SCFD1: variants seen among roughly 807,000 people sequenced by gnomAD.
The protein encoded by SCFD1 is sec1 family domain-containing protein 1.
Under a neutral mutation model 103.2 loss-of-function variants are expected in SCFD1, and 37 were observed. The observed-to-expected ratio is 0.36, with a 90% confidence interval of 0.28 to 0.47. The LOEUF (loss-of-function observed/expected upper bound fraction) is 0.47, where lower values mean the gene tolerates loss of function less well. SCFD1 is among the 20% of genes least tolerant of loss of function. The pLI is 1.00. For synonymous variants in SCFD1, 264 were observed against 245.0 expected (o/e 1.08, Z -0.73); for missense variants, 639 against 761.2 (o/e 0.84, Z 1.89).
chr14:30,694,645 TA>T (rs772952032), intron 14 of SCFD1, 127 bp from the exon 15 acceptor site: 1 of 1,310,398 alleles, frequency 7.6e-7, no homozygotes, highest in Non-Finnish European at 9.9e-7. Flanking sequence ...TTCTGAACTG[TA>T]CTTTTGACCT....
At chr14:30,675,678 G>A (rs1888973021) in intron 14 of SCFD1, among the ~76,000 whole-genome samples, 1 of 152,066 alleles carries the variant, frequency 6.6e-6, no homozygotes, top group Non-Finnish European at 1.5e-5. Context: ...GAATTTCTGT[G>A]GCAGATTGAC....
intron 19 of SCFD1, among the ~76,000 whole-genome samples, chr14:30,714,303 G>A (rs1325376646): frequency 6.6e-6 from 1 of 150,696 alleles, no homozygotes; most frequent in East Asian, 2.0e-4. Context: ...GCAGTGAGCC[G>A]AGATTGCGCC....
intron 15 of SCFD1, 86 bp from the exon 16 acceptor site, chr14:30,700,102 C>T: frequency 1.1e-6 from 1 of 920,002 alleles, no homozygotes; most frequent in Non-Finnish European, 1.7e-6. Flanking sequence ...TTATATATGC[C>T]TTGAAATGTA....
chr14:30,664,291 C>T (rs2139169401), intron 10 of SCFD1, among the ~76,000 whole-genome samples: 1 of 152,242 alleles, frequency 6.6e-6, no homozygotes. Flanking sequence ...CAAACTCCAA[C>T]AGACCTGCAG....
chr14:30,684,799 GTTTC>G (rs1370494449), intron 14 of SCFD1, among the ~76,000 whole-genome samples: 103 of 38,284 alleles, frequency 2.7e-3, no homozygotes, highest in Non-Finnish European at 3.6e-3. Context: ...TGTTGCAATT[GTTTC>G]TTTTTTTTTT....
chr14:30,660,644 G>T (rs1037510426), intron 10 of SCFD1, among the ~76,000 whole-genome samples: 2 of 151,636 alleles, frequency 1.3e-5, no homozygotes, highest in African/African-American at 4.8e-5. Context: ...CACCTACTTA[G>T]GACAAATGCT....
chr14:30,627,014 A>G (rs1465470602), intron 1 of SCFD1, among the ~76,000 whole-genome samples: 1 of 152,210 alleles, frequency 6.6e-6, no homozygotes, highest in Admixed American at 6.5e-5. Context: ...ATTCTGTATT[A>G]CTTAAAGCCT....
intron 10 of SCFD1, among the ~76,000 whole-genome samples, chr14:30,654,947 A>G (rs1465167518): frequency 6.6e-6 from 1 of 152,204 alleles, no homozygotes; most frequent in East Asian, 1.9e-4. Flanking sequence ...GAGGTCAAGT[A>G]AGAGGTGGGA....
At chr14:30,670,147 T>G (rs1487707389) in intron 10 of SCFD1, 109 bp from the exon 11 acceptor site, 2 of 848,276 alleles carry the variant, frequency 2.4e-6, no homozygotes, top group African/African-American at 3.6e-5. Flanking sequence ...GGAGATGTTT[T>G]AAATTTCAGA....
At chr14:30,724,884 G>A (rs746520685) in intron 23 of SCFD1, among the ~76,000 whole-genome samples, 8 of 151,970 alleles carry the variant, frequency 5.3e-5, no homozygotes, top group Admixed American at 3.3e-4. Context: ...GAAGAGGTCC[G>A]GTTTGAGTTT....
At chr14:30,635,076 T>C (rs1423825674) in intron 4 of SCFD1, 5 of 405,152 alleles carry the variant, frequency 1.2e-5, no homozygotes, top group African/African-American at 4.2e-5. Context: ...ATCTTTGTTA[T>C]TGACTGTTGA....
chr14:30,627,698 A>T (rs1257492142), intron 1 of SCFD1, among the ~76,000 whole-genome samples: 1 of 149,376 alleles, frequency 6.7e-6, no homozygotes, highest in Non-Finnish European at 1.5e-5. Flanking sequence ...AGCCGAGATC[A>T]CGCCATTGCA....
Position 30,702,270 on chromosome 14 carries a change from G to A in SCFD1, c.1411-26G>A, listed in dbSNP as rs758310812. 8.9e-6 allele frequency: 13 copies of A among 1,466,576 alleles called. No homozygotes were observed. In the East Asian group the frequency reaches 3.0e-4, roughly 34 times the overall value. The allele number at this position is 1,466,576 out of a possible 1,614,324, so 90.8% of individuals were successfully genotyped here. On this transcript the variant is annotated intron_variant, in intron 16 of 24. Transcript: ENST00000458591. ...ATCTTTCTTGAAAGTAAAATTTTTTGTCATATAGTTCTTTTCTTATTTCAG... is the reference window on the plus strand; with the variant it reads ...ATCTTTCTTGAAAGTAAAATTTTTTATCATATAGTTCTTTTCTTATTTCAG...
At chr14:30,691,446 G>T (rs1173618324) in intron 14 of SCFD1, among the ~76,000 whole-genome samples, 1 of 152,170 alleles carries the variant, frequency 6.6e-6, no homozygotes, top group East Asian at 1.9e-4. Context: ...AGCCATAGTT[G>T]TAAGTAAAGT....
rs139117231 is a variant in SCFD1, at chr14:30,731,185, G to C, written c.1837-3605G>C. Among the ~76,000 whole-genome samples the C allele has an allele frequency of 5.1e-3, 770 of 152,048 alleles. 8 individuals carry two copies. Among genetic ancestry groups the C allele is most frequent in the African/African-American group, 0.017 (706 of 41,432 alleles). ...TAGATGTGTGGTATTATATCTGAGGGCTCTGTTCTGTTCCACTGGTCTATA... is the reference window on the plus strand; with the variant it reads ...TAGATGTGTGGTATTATATCTGAGGCCTCTGTTCTGTTCCACTGGTCTATA... On this transcript the variant is annotated intron_variant, in intron 23 of 24. Transcript: ENST00000458591.
chr14:30,732,299 G>T (rs1490145016), intron 23 of SCFD1, among the ~76,000 whole-genome samples: 1 of 152,146 alleles, frequency 6.6e-6, no homozygotes, highest in Non-Finnish European at 1.5e-5. Flanking sequence ...CAACTGCCCT[G>T]GCTAGAACCT....
intron 21 of SCFD1, among the ~76,000 whole-genome samples, chr14:30,721,482 T>C (rs562598522): frequency 6.6e-6 from 1 of 150,754 alleles, no homozygotes; most frequent in African/African-American, 2.4e-5. Flanking sequence ...TGTATTTATA[T>C]AGTTTTTCCA....
intron 15 of SCFD1, among the ~76,000 whole-genome samples, chr14:30,698,372 G>T (rs1173806427): frequency 6.6e-6 from 1 of 152,114 alleles, no homozygotes; most frequent in Non-Finnish European, 1.5e-5. Context: ...GCATCAGATT[G>T]GTCTTTAAAA....
rs549687546 is a variant in SCFD1 at position 30,714,480 on chromosome 14, C to G, written c.1630-1444C>G. ...ATGCTTGTATTTATATTTGAAAGTA[C>G]CTAGCCAACACAAATGAAATAGCTT... On this transcript the variant is annotated intron_variant, in intron 19 of 24. Transcript: ENST00000458591. Among the ~76,000 whole-genome samples the G allele has an allele frequency of 5.9e-5, 9 of 151,942 alleles. No individual in the cohort carries two copies. The East Asian group carries it at 1.5e-3, about 26-fold the overall frequency.
Sources: allele counts gnomAD v4.1 joint callset (sites outside exome capture counted in the v4.1 genomes callset), GRCh38; gene constraint gnomAD v4.1.1; transcripts MANE v1.5; gene names NCBI Gene and HGNC (gene_info 2026-07-23, HGNC 2026-07-21).